Variants in FAM217A observed in about 807,000 individuals in gnomAD.
FAM217A encodes protein FAM217A.
FAM217A carries 13 observed loss-of-function variants against 18.5 expected under a neutral mutation model. The ratio of observed to expected loss-of-function variants is 0.70; its 90% confidence interval spans 0.46 to 1.12. The LOEUF is 1.12. Ranked by LOEUF, FAM217A falls within the 50% of genes most tolerant of loss-of-function variation. The probability of loss-of-function intolerance (pLI) is 0.00; values close to 1 mark genes in which losing one functional copy is unlikely to be tolerated. For synonymous variants in FAM217A, 161 were observed against 202.8 expected (o/e 0.79, Z 1.75); for missense variants, 560 against 575.4 (o/e 0.97, Z 0.27).
At chr6:4,075,702 C>T (rs568038428) in intron 2 of FAM217A, among the ~76,000 whole-genome samples, 3 of 152,164 alleles carry the variant, frequency 2.0e-5, no homozygotes, top group Non-Finnish European at 4.4e-5. Flanking sequence ...CTCAAAAAAG[C>T]ATTGTAAATT....
intron 1 of FAM217A, chr6:4,086,982 A>G (rs1770708823): frequency 2.5e-6 from 1 of 398,966 alleles, no homozygotes; most frequent in Non-Finnish European, 4.4e-6. Context: ...GGATAAGAAC[A>G]TAAGGAGTAA....
At chr6:4,077,126 G>A (rs1471228613) in intron 2 of FAM217A, among the ~76,000 whole-genome samples, 1 of 152,166 alleles carries the variant, frequency 6.6e-6, no homozygotes, top group African/African-American at 2.4e-5. Context: ...AAGCCAAATT[G>A]CAATTAGAAA....
upstream of FAM217A, chr6:4,087,141 T>C (rs778503988): frequency 2.4e-6 from 1 of 424,378 alleles, no homozygotes; most frequent in Non-Finnish European, 4.0e-6. Context: ...AGGTACATAC[T>C]GGGAGCAAGG....
chr6:4,079,624 C>A, upstream of FAM217A: 1 of 1,287,516 alleles, frequency 7.8e-7, no homozygotes, highest in Non-Finnish European at 1.0e-6. Flanking sequence ...GCCCGGCCCA[C>A]CCGCCTCCAC....
intron 6 of FAM217A, among the ~76,000 whole-genome samples, chr6:4,072,413 T>C (rs1380768267): frequency 6.7e-6 from 1 of 148,578 alleles, no homozygotes; most frequent in Non-Finnish European, 1.5e-5. Context: ...TGTATACCTA[T>C]GTAACAAACC....
rs1209350733 is a variant in FAM217A at position 4,068,514 on chromosome 6, T to A, written c.*182A>T. ...TGAAATATGTCAGTATAGAAGCCTG[T>A]GGGTTTATATATAGACATCTCAGCA... On this transcript the variant is annotated 3_prime_UTR_variant, in exon 7 of 7. Coordinates refer to ENST00000274673, the MANE Select transcript of FAM217A (RefSeq NM_173563.3). The A allele has an allele frequency of 3.7e-6, 2 of 546,852 alleles. No homozygotes were observed. Among genetic ancestry groups the A allele is most frequent in the Non-Finnish European group, 6.2e-6 (2 of 324,816 alleles). The allele number at this position is 546,852 out of a possible 1,614,324, so 33.9% of individuals were successfully genotyped here.
At chr6:4,079,461 TC>T, upstream of FAM217A, 2 of 390,270 alleles carry the variant, frequency 5.1e-6, no homozygotes, top group South Asian at 2.1e-5. Context: ...TCTCGGACTT[TC>T]CCCCAGGCGT....
At chr6:4,077,236 A>T in intron 2 of FAM217A, 119 bp downstream of exon 2, 1 of 949,616 alleles carries the variant, frequency 1.1e-6, no homozygotes. Flanking sequence ...AAAACACAGG[A>T]TAAACTGCCC....
upstream of FAM217A, among the ~76,000 whole-genome samples, chr6:4,081,553 C>T (rs1410705985): frequency 6.6e-6 from 1 of 152,208 alleles, no homozygotes; most frequent in African/African-American, 2.4e-5. Flanking sequence ...TTCAGGTGAT[C>T]TGCTGGCCTC....
chr6:4,076,038 G>A lies in FAM217A; in HGVS notation c.60+1317C>T, dbSNP rs1581886191. Among the ~76,000 whole-genome samples, 3 of 152,128 alleles carry A rather than the reference G, an allele frequency of 2.0e-5. No homozygotes were observed. In the South Asian group the frequency reaches 6.2e-4, roughly 32 times the overall value. On this transcript the variant is annotated intron_variant, in intron 2 of 6. Transcript: ENST00000274673. ...TGCAAATCCTGATTTTAAAGAATGA[G>A]GGTGAGGGCCGGGCGCAGTGGCTCA...
chr6:4,074,600 G>T lies in FAM217A; in HGVS notation c.122C>A (p.Ala41Asp). ...ACCACCTGCTGCTCCATCCCTTCCA[G>T]CTGGGAGGTTTTTATTTTCAGAAAC... is the stretch of plus-strand genomic sequence containing the variant. ...VPVSENKNLP[A>D]GRDGAAGGKI... The change falls in exon 3 of 7, where the codon GCT becomes GAT. Residue 41 changes from alanine to aspartate, a missense_variant. Transcript: ENST00000274673. 1 of 1,613,506 alleles carries T rather than the reference G, an allele frequency of 6.2e-7. No homozygotes were observed. Among genetic ancestry groups the T allele is most frequent in the Non-Finnish European group, 8.5e-7 (1 of 1,179,570 alleles).
At chr6:4,072,466 T>TAAAAA (rs60967444) in intron 6 of FAM217A, among the ~76,000 whole-genome samples, 3 of 147,030 alleles carry the variant, frequency 2.0e-5, no homozygotes, top group African/African-American at 7.5e-5. Context: ...AAAAAGTATT[T>TAAAAA]AAAAAAAAAA....
chr6:4,078,881 G>A lies in FAM217A; in HGVS notation c.-64C>T. ...CGAAGGCCCACGTGTCCTCCCCGGC[G>A]TGCTCTCCCGGTGCGCCGCCCCGAG... On this transcript the variant is annotated 5_prime_UTR_variant, in exon 1 of 7. In the 5' UTR this introduces an upstream ATG that the reference lacks. Coordinates refer to ENST00000274673, the MANE Select transcript of FAM217A (RefSeq NM_173563.3). The A allele has an allele frequency of 1.8e-6, 1 of 558,438 alleles. No individual in the cohort carries two copies. The highest frequency in any genetic ancestry group is 3.2e-6 in the Non-Finnish European group (1 of 310,036). The allele number at this position is 558,438 out of a possible 1,614,324, so 34.6% of individuals were successfully genotyped here.
chr6:4,075,290 C>T (rs1394761119), intron 2 of FAM217A, among the ~76,000 whole-genome samples: 5 of 152,136 alleles, frequency 3.3e-5, no homozygotes, highest in Admixed American at 1.3e-4. Context: ...GCTGCAATCA[C>T]ACCACTGCAC....
At position 4,069,903 on chromosome 6, in the gene FAM217A, G is replaced by T. The variant is rs762674169; in HGVS notation, c.320C>A (p.Ser107Ter). 1.3e-6 allele frequency: 2 copies of T among 1,568,866 alleles called. No individual in the cohort carries two copies. The highest frequency in any genetic ancestry group is 2.8e-5 in the African/African-American group (2 of 72,648). ...GATTACATTAAAGCCAGTTTCCACTGAAGATTTTTTGAATTCCCTTTAAAA... is the reference window on the plus strand; with the variant it reads ...GATTACATTAAAGCCAGTTTCCACTTAAGATTTTTTGAATTCCCTTTAAAA... ...TIEKREFKKS[S>*]VETGFNVINH... The change falls in exon 7 of 7, where the codon TCA (serine) becomes TAA (stop). Residue 107 changes from serine (S) to a stop codon, truncating the protein, a stop_gained. Transcript: ENST00000274673. LOFTEE classifies it low-confidence loss of function (END_TRUNC).
Position 4,068,894 on chromosome 6 carries a change from T to C in FAM217A, c.1329A>G (p.Pro443=). 1 of 1,614,184 alleles carries C rather than the reference T, an allele frequency of 6.2e-7. No homozygotes were observed. Among genetic ancestry groups the C allele is most frequent in the South Asian group, 1.1e-5 (1 of 91,078 alleles). The change falls in exon 7 of 7, where the codon CCA becomes CCG. Residue 443 remains proline (P), a synonymous_variant. Transcript: ENST00000274673. ...TRCLPWRSPM[P]VSPIPLTFPE... is the part of the protein sequence containing the mutation. ...GAAAAGTCAGAGGTATAGGTGAAAC[T>C]GGCATTGGAGACCTCCATGGCAGAC... is the stretch of plus-strand genomic sequence containing the variant.
chr6:4,083,667 T>A (rs1770454904), upstream of FAM217A, among the ~76,000 whole-genome samples: 1 of 152,076 alleles, frequency 6.6e-6, no homozygotes, highest in Non-Finnish European at 1.5e-5. Context: ...TTCTCCTGTC[T>A]CAGTCTCCCA....
Position 4,068,978 on chromosome 6 carries a change from T to G in FAM217A, c.1245A>C (p.Ser415=). 6.2e-7 allele frequency: 1 copy of G among 1,614,198 alleles called. No homozygotes were observed. The change falls in exon 7 of 7, where the codon TCA becomes TCC. Residue 415 remains serine (S), a synonymous_variant. Coordinates refer to ENST00000274673, the MANE Select transcript of FAM217A (RefSeq NM_173563.3). The stretch of plus-strand genomic sequence containing the variant: ...TTGTATGGCCAATAGTAGGTTTGAA[T>G]GAGAGTTCTTGGCATGGACTTAAAA... ...SSILSPCQEL[S]FKPTIGHTNQ... is the part of the protein sequence containing the mutation.
In FAM217A at chr6:4,079,010, CT is replaced by C; in HGVS notation, c.-194del. ...AAGAGGGCGGCGGGCGGCTGGCGGC[CT>C]TGAGCGCAGCCCGGTCGGCAGTGCA... On this transcript the variant is annotated 5_prime_UTR_variant, in exon 1 of 7. Transcript: ENST00000274673. 1 of 467,846 alleles carries C rather than the reference CT, an allele frequency of 2.1e-6. No individual in the cohort carries two copies. 29.0% of individuals were successfully genotyped at this position (467,846 alleles called of 1,614,324 possible).
Sources: gnomAD v4.1 joint callset for allele counts (sites outside exome capture counted in the v4.1 genomes callset) on GRCh38, gnomAD v4.1.1 for gene constraint, MANE v1.5 for transcripts, NCBI Gene and HGNC (gene_info 2026-07-23, HGNC 2026-07-21) for gene names.